The following SRGAP1 variants were observed in gnomAD, a reference collection of about 807,000 sequenced individuals.
The protein encoded by SRGAP1 is SLIT-ROBO Rho GTPase-activating protein 1.
In SRGAP1, 43 loss-of-function variants were observed where a neutral mutation model predicts 121.9. That is an observed-to-expected ratio of 0.35 (90% CI 0.28 to 0.46). The LOEUF (loss-of-function observed/expected upper bound fraction) is 0.46. SRGAP1 is among the 20% of genes least tolerant of loss of function. The pLI is 1.00. For synonymous variants in SRGAP1, 447 were observed against 485.4 expected, an observed-to-expected ratio of 0.92 and a Z score of 1.04; for missense variants, 1,102 against 1,350.9, an observed-to-expected ratio of 0.82 and a Z score of 2.89.
intron 10 of SRGAP1, 51 bp from the exon 11 acceptor site, chr12:64,086,948 A>T: frequency 7.0e-7 from 1 of 1,424,140 alleles, no homozygotes; most frequent in Non-Finnish European, 9.9e-7. Context: ...AGTACCACAT[A>T]CACTCTGCTG....
chr12:64,056,565 AAAGAGAG>A (rs2035346696), intron 6 of SRGAP1, among the ~76,000 whole-genome samples: 1 of 150,804 alleles, frequency 6.6e-6, no homozygotes, highest in Non-Finnish European at 1.5e-5. Context: ...AAAAAAAAAA[AAAGAGAG>A]AAAGAAAGAA....
intron 1 of SRGAP1, among the ~76,000 whole-genome samples, chr12:63,955,576 C>T (rs1025070136): frequency 6.6e-6 from 1 of 151,850 alleles, no homozygotes; most frequent in African/African-American, 2.4e-5. Flanking sequence ...AGAGAGACTC[C>T]ACTGTGGCAT....
chr12:63,858,419 A>G (rs1056990070), intron 1 of SRGAP1, among the ~76,000 whole-genome samples: 2 of 151,850 alleles, frequency 1.3e-5, no homozygotes, highest in Non-Finnish European at 2.9e-5. Flanking sequence ...GGGCTCAAAC[A>G]ATCCTCCTGC....
intron 1 of SRGAP1, among the ~76,000 whole-genome samples, chr12:63,932,909 G>T (rs1254558106): frequency 6.6e-6 from 1 of 152,178 alleles, no homozygotes; most frequent in East Asian, 1.9e-4. Context: ...CCATACGTAG[G>T]CCAGGAGCAG....
At chr12:64,008,944 C>A (rs1247368232) in intron 3 of SRGAP1, among the ~76,000 whole-genome samples, 1 of 152,086 alleles carries the variant, frequency 6.6e-6, no homozygotes, top group Admixed American at 6.6e-5. Flanking sequence ...TACTTATAAT[C>A]CCAGCCACCT....
At chr12:64,103,343 CAAT>C (rs1438757969) in intron 15 of SRGAP1, among the ~76,000 whole-genome samples, 3 of 152,100 alleles carry the variant, frequency 2.0e-5, no homozygotes, top group Non-Finnish European at 2.9e-5. Flanking sequence ...TTTTAAAACT[CAAT>C]AATATTATTT....
At chr12:63,974,184 A>C (rs1021148613) in intron 1 of SRGAP1, among the ~76,000 whole-genome samples, 10 of 152,284 alleles carry the variant, frequency 6.6e-5, no homozygotes, top group African/African-American at 2.2e-4. Context: ...GTTCAACTGC[A>C]GTCATTGAAC....
intron 1 of SRGAP1, among the ~76,000 whole-genome samples, chr12:63,955,653 T>G (rs1482808995): frequency 1.3e-5 from 2 of 152,106 alleles, no homozygotes; most frequent in Non-Finnish European, 2.9e-5. Context: ...AGCCATCTGT[T>G]TTTCAGGTAC....
chr12:64,086,970 TTTAC>T (rs777824790), intron 10 of SRGAP1, 25 bp from the exon 11 acceptor site: 6 of 1,571,266 alleles, frequency 3.8e-6, no homozygotes, highest in Non-Finnish European at 5.2e-6. Context: ...TTCCTTTCAG[TTTAC>T]TTACTTTAAA....
chr12:63,857,515 G>A (rs1282091328), intron 1 of SRGAP1, among the ~76,000 whole-genome samples: 2 of 151,864 alleles, frequency 1.3e-5, no homozygotes, highest in Admixed American at 1.3e-4. Context: ...CAAAGTAGCT[G>A]GTATTACAGG....
intron 1 of SRGAP1, among the ~76,000 whole-genome samples, chr12:63,908,990 A>C (rs997196463): frequency 6.6e-6 from 1 of 152,110 alleles, no homozygotes; most frequent in Non-Finnish European, 1.5e-5. Context: ...TCCTGGGTTC[A>C]AGTGATTCTC....
At chr12:64,058,858 G>C (rs1048238382) in intron 6 of SRGAP1, among the ~76,000 whole-genome samples, 2 of 151,768 alleles carry the variant, frequency 1.3e-5, no homozygotes, top group African/African-American at 4.8e-5. Flanking sequence ...TGTCTCAGGA[G>C]ACCTTGAATA....
chr12:64,153,892 G>A lies in SRGAP1; in HGVS notation c.*11220G>A, dbSNP rs976775509. 3 of 152,192 alleles carry A rather than the reference G, an allele frequency of 2.0e-5. No individual in the cohort carries two copies. Among genetic ancestry groups the A allele is most frequent in the African/African-American group, 7.2e-5 (3 of 41,448 alleles). 9.4% of individuals were successfully genotyped at this position (152,192 alleles called of 1,614,324 possible). A position where few individuals can be genotyped will look rare whatever the true frequency, so the allele number is the denominator to read the frequency against. On this transcript the variant is annotated 3_prime_UTR_variant, in exon 22 of 22. Transcript: ENST00000355086. Reference sequence around the variant, plus strand: ...AATTCACAATAGCCACAAGAGAGAAGCAACCCATGAATGGATGAATGGGTA... The same window carrying A: ...AATTCACAATAGCCACAAGAGAGAAACAACCCATGAATGGATGAATGGGTA...
intron 1 of SRGAP1, among the ~76,000 whole-genome samples, chr12:63,874,343 AC>A (rs1240340139): frequency 1.3e-5 from 2 of 151,944 alleles, no homozygotes; most frequent in African/African-American, 4.8e-5. Flanking sequence ...AGCTGGGACT[AC>A]AGGTGCCTGC....
intron 3 of SRGAP1, among the ~76,000 whole-genome samples, chr12:64,010,469 A>G (rs922515559): frequency 6.6e-6 from 1 of 152,108 alleles, no homozygotes; most frequent in Non-Finnish European, 1.5e-5. Flanking sequence ...AGCATTTACC[A>G]TAGCACTCCA....
At chr12:64,043,841 A>G (rs201858941) in intron 6 of SRGAP1, among the ~76,000 whole-genome samples, 1 of 152,244 alleles carries the variant, frequency 6.6e-6, no homozygotes, top group East Asian at 1.9e-4. Context: ...CTTAGCTAAG[A>G]CAGGGCCCAG....
chr12:63,912,767 A>C, intron 1 of SRGAP1, among the ~76,000 whole-genome samples: 1 of 152,316 alleles, frequency 6.6e-6, no homozygotes, highest in Non-Finnish European at 1.5e-5. Flanking sequence ...CTAGTTTTAC[A>C]TGGTAGGGAT....
intron 1 of SRGAP1, among the ~76,000 whole-genome samples, chr12:63,969,930 C>T (rs1405597219): frequency 1.3e-5 from 2 of 152,132 alleles, no homozygotes; most frequent in African/African-American, 4.8e-5. Context: ...TCATCATTTA[C>T]TTTACATTTG....
At chr12:63,845,724 CAT>C (rs1250790635) in intron 1 of SRGAP1, among the ~76,000 whole-genome samples, 5 of 152,164 alleles carry the variant, frequency 3.3e-5, no homozygotes, top group Non-Finnish European at 7.3e-5. Flanking sequence ...GTTTCGTAAA[CAT>C]ATGTGTTACT....
Sources: gnomAD v4.1 joint callset for allele counts (sites outside exome capture counted in the v4.1 genomes callset) on GRCh38, gnomAD v4.1.1 for gene constraint, MANE v1.5 for transcripts, NCBI Gene and HGNC (gene_info 2026-07-23, HGNC 2026-07-21) for gene names.